Variants in PTBP2 observed in about 807,000 individuals in gnomAD.
The protein encoded by PTBP2 is polypyrimidine tract-binding protein 2.
A neutral mutation model predicts 61.4 loss-of-function variants in PTBP2; 13 were observed. That is an observed-to-expected ratio of 0.21 (90% CI 0.14 to 0.34). The LOEUF is 0.34. PTBP2 is among the 10% of genes least tolerant of loss of function. PTBP2 has a pLI of 1.00. For missense variants in PTBP2, 405 were observed against 642.6 expected (o/e 0.63, Z 4.00); for synonymous variants, 215 against 218.5 (o/e 0.98, Z 0.14).
Position 96,738,702 on chromosome 1 carries a change from T to G in PTBP2, c.40-12723T>G, listed in dbSNP as rs1323476362. ...ATAAGACAATGATATTGGTAGGAGC[T>G]CTTTATAATCTTTCTCTCTTATGTA... On this transcript the variant is annotated intron_variant, in intron 2 of 13. Coordinates refer to ENST00000674951, the MANE Select transcript of PTBP2 (RefSeq NM_021190.4). Among the ~76,000 whole-genome samples the G allele has an allele frequency of 5.9e-5, 9 of 152,310 alleles. No homozygotes were observed. In the East Asian group the frequency reaches 1.7e-3, roughly 29 times the overall value.
chr1:96,765,144 T>A (rs1394943294), intron 3 of PTBP2, among the ~76,000 whole-genome samples: 4 of 152,194 alleles, frequency 2.6e-5, no homozygotes, highest in Admixed American at 2.0e-4. Context: ...TGTTTTTTGT[T>A]TTTCTAAAGC....
chr1:96,809,769 T>A (rs1374861102), intron 11 of PTBP2, among the ~76,000 whole-genome samples: 1 of 152,066 alleles, frequency 6.6e-6, no homozygotes, highest in Non-Finnish European at 1.5e-5. Context: ...ATACTTAAAA[T>A]TAAGCGATAA....
chr1:96,783,473 A>T lies in PTBP2; in HGVS notation c.709-1586A>T, dbSNP rs1057345027. On this transcript the variant is annotated intron_variant, in intron 7 of 13. Transcript: ENST00000674951. ...GATAATTTGGCAGTCGGACCTCAGT[A>T]TTGCTGGGAAAGAATTCAACTCCTA... 2.3e-4 allele frequency among the ~76,000 whole-genome samples: 35 copies of T among 152,002 alleles called. 1 individual carries two copies. The highest frequency in any genetic ancestry group is 5.9e-5 in the Non-Finnish European group (4 of 67,898).
At chr1:96,753,546 C>T (rs534971829) in intron 3 of PTBP2, among the ~76,000 whole-genome samples, 1 of 151,396 alleles carries the variant, frequency 6.6e-6, no homozygotes, top group South Asian at 2.1e-4. Flanking sequence ...TCTAGTATAC[C>T]ATCAAAAATT....
At chr1:96,817,587 A>C (rs1012138442), downstream of PTBP2, 1 of 152,118 alleles carries the variant, frequency 6.6e-6, no homozygotes, top group African/African-American at 2.4e-5. Context: ...ACACCTATGC[A>C]CTTCACTCAA....
At chr1:96,727,231 C>T (rs1388720315) in intron 2 of PTBP2, among the ~76,000 whole-genome samples, 1 of 152,150 alleles carries the variant, frequency 6.6e-6, no homozygotes, top group African/African-American at 2.4e-5. Context: ...TTTCAATAGT[C>T]CATTCTGTTT....
chr1:96,770,618 A>G (rs1657270110), intron 4 of PTBP2, 90 bp from the exon 5 acceptor site: 1 of 1,103,870 alleles, frequency 9.1e-7, no homozygotes, highest in South Asian at 1.4e-5. Context: ...TATATTCTAG[A>G]TAATTGATTA....
At chr1:96,823,554 A>T (rs935707382) in exon 14 of PTBP2, 2 of 152,188 alleles carry the variant, frequency 1.3e-5, no homozygotes, top group Non-Finnish European at 2.9e-5. Flanking sequence ...GTGTCTGTTA[A>T]CCATAATGTA....
chr1:96,777,513 A>AGTAGT (rs1658172760), intron 5 of PTBP2, 72 bp from the exon 6 acceptor site: 4 of 1,320,676 alleles, frequency 3.0e-6, no homozygotes, highest in Non-Finnish European at 4.1e-6. Context: ...AAAGTGAACT[A>AGTAGT]GTAGTGTAAC....
rs187913000 is a variant in PTBP2 at position 96,793,259 on chromosome 1, A to G, written c.904+8005A>G. 5.9e-5 allele frequency among the ~76,000 whole-genome samples: 9 copies of G among 152,326 alleles called. No individual in the cohort carries two copies. In the East Asian group the frequency reaches 7.7e-4, roughly 13 times the overall value. ...TTATTGAACTGTCCTCTGCTTTGCTATAGCTGAATTTTTAAAATGTTAATT... is the reference window on the plus strand; with the variant it reads ...TTATTGAACTGTCCTCTGCTTTGCTGTAGCTGAATTTTTAAAATGTTAATT... On this transcript the variant is annotated intron_variant, in intron 8 of 13. Coordinates refer to ENST00000674951, the MANE Select transcript of PTBP2 (RefSeq NM_021190.4).
At chr1:96,810,568 T>A (rs1661978072) in intron 11 of PTBP2, among the ~76,000 whole-genome samples, 1 of 152,174 alleles carries the variant, frequency 6.6e-6, no homozygotes, top group Non-Finnish European at 1.5e-5. Flanking sequence ...CTATCACTCA[T>A]CTGTTCTGTA....
chr1:96,803,750 G>A (rs747011415), intron 8 of PTBP2, among the ~76,000 whole-genome samples: 35 of 152,264 alleles, frequency 2.3e-4, no homozygotes, highest in Non-Finnish European at 4.7e-4. Context: ...TGGAAAGAAA[G>A]AAGAAATAAA....
rs1224415798 is a variant in PTBP2, at chr1:96,805,023, CCTTT to C, written c.1044+89_1044+92del. ...TCATGTTTATTTCATTTTGCACTTG[CCTTT>C]CTTTTTATGTACATTCATTAGTCAA... On this transcript the variant is annotated intron_variant, in intron 9 of 13. Transcript: ENST00000674951. The C allele has an allele frequency of 5.9e-6, 7 of 1,178,656 alleles. No homozygotes were observed. In the East Asian group the frequency reaches 7.7e-5, roughly 13 times the overall value. The allele number at this position is 1,178,656 out of a possible 1,614,324, so 73.0% of individuals were successfully genotyped here.
At chr1:96,785,324 G>A (rs1659095339) in intron 8 of PTBP2, 70 bp downstream of exon 8, 1 of 1,242,356 alleles carries the variant, frequency 8.0e-7, no homozygotes, top group Admixed American at 3.0e-5. Context: ...TAAGTATAAT[G>A]AATCCCCCCA....
intron 5 of PTBP2, chr1:96,771,056 T>G: frequency 2.5e-6 from 1 of 401,388 alleles, no homozygotes; most frequent in East Asian, 4.7e-5. Context: ...AAATGTTCTT[T>G]TTCTTGTTGC....
intron 2 of PTBP2, among the ~76,000 whole-genome samples, chr1:96,736,901 A>G (rs1479802266): frequency 2.6e-5 from 4 of 151,910 alleles, no homozygotes; most frequent in South Asian, 2.1e-4. Flanking sequence ...GCTGGTCTCA[A>G]ACTCCTGGGC....
chr1:96,727,793 C>A (rs920056539), intron 2 of PTBP2, among the ~76,000 whole-genome samples: 1 of 152,010 alleles, frequency 6.6e-6, no homozygotes, highest in Non-Finnish European at 1.5e-5. Context: ...CCTTTATCAG[C>A]CATAAGGCCT....
chr1:96,805,295 T>A (rs1229816474), intron 9 of PTBP2, among the ~76,000 whole-genome samples: 2 of 152,190 alleles, frequency 1.3e-5, no homozygotes, highest in African/African-American at 4.8e-5. Context: ...GCTCTTTGCC[T>A]TTTCTAATTA....
chr1:96,812,507 A>C (rs866829934), intron 11 of PTBP2, among the ~76,000 whole-genome samples: 1 of 152,188 alleles, frequency 6.6e-6, no homozygotes, highest in Admixed American at 6.5e-5. Flanking sequence ...TTTTCATTCT[A>C]TGAAAGTAGC....
Sources: gnomAD v4.1 joint callset for allele counts (sites outside exome capture counted in the v4.1 genomes callset) on GRCh38, gnomAD v4.1.1 for gene constraint, MANE v1.5 for transcripts, NCBI Gene and HGNC (gene_info 2026-07-23, HGNC 2026-07-21) for gene names.